Variants in PCCA observed in about 807,000 individuals in gnomAD.
PCCA encodes propionyl-CoA carboxylase subunit alpha.
Under a neutral mutation model 101.3 loss-of-function variants are expected in PCCA, and 74 were observed. That is an observed-to-expected ratio of 0.73 (90% CI 0.61 to 0.89). The LOEUF (loss-of-function observed/expected upper bound fraction) is 0.89. Ranked by LOEUF, PCCA falls within the 40% of genes least tolerant of loss-of-function variation. The probability of loss-of-function intolerance (pLI) is 0.00; values close to 1 mark genes in which losing one functional copy is unlikely to be tolerated. For missense variants in PCCA, 891 were observed against 907.0 expected, an observed-to-expected ratio of 0.98 and a Z score of 0.23; for synonymous variants, 294 against 313.6, an observed-to-expected ratio of 0.94 and a Z score of 0.66.
At chr13:100,430,868 A>G (rs2760310) in intron 20 of PCCA, among the ~76,000 whole-genome samples, 56,892 of 152,076 alleles carry the variant, frequency 0.37, 11,465 homozygotes, top group East Asian at 0.68. Context: ...AGAACAATGA[A>G]CTAACCTTAT....
At chr13:100,511,701 A>G (rs977849167) in intron 21 of PCCA, among the ~76,000 whole-genome samples, 79 of 152,348 alleles carry the variant, frequency 5.2e-4, no homozygotes, top group African/African-American at 1.8e-3. Context: ...TGACAGTGGC[A>G]CTGGAGGCTT....
intron 12 of PCCA, among the ~76,000 whole-genome samples, chr13:100,276,848 A>G (rs962719636): frequency 7.2e-5 from 11 of 152,128 alleles, no homozygotes; most frequent in African/African-American, 2.7e-4. Context: ...TTTGTAGTAC[A>G]TGTCTGATAA....
intron 18 of PCCA, among the ~76,000 whole-genome samples, chr13:100,350,758 A>C (rs1333061355): frequency 6.6e-6 from 1 of 152,180 alleles, no homozygotes; most frequent in Non-Finnish European, 1.5e-5. Context: ...ACACTTCATC[A>C]GTATTATTGT....
At chr13:100,493,033 C>T (rs2085015003) in intron 21 of PCCA, among the ~76,000 whole-genome samples, 1 of 152,128 alleles carries the variant, frequency 6.6e-6, no homozygotes, top group Non-Finnish European at 1.5e-5. Flanking sequence ...ACAGGGCTGT[C>T]ACCCTTATTC....
At chr13:100,525,343 T>C (rs1029737444) in intron 22 of PCCA, among the ~76,000 whole-genome samples, 4 of 152,218 alleles carry the variant, frequency 2.6e-5, no homozygotes, top group Non-Finnish European at 5.9e-5. Context: ...GATGAACAAC[T>C]GGGGACCCAG....
intron 8 of PCCA, among the ~76,000 whole-genome samples, chr13:100,251,688 A>G (rs1193642675): frequency 6.6e-6 from 1 of 152,246 alleles, no homozygotes; most frequent in African/African-American, 2.4e-5. Context: ...AAAAAATGGC[A>G]TACTTTCTGT....
chr13:100,122,429 G>A (rs1340294467), intron 4 of PCCA, among the ~76,000 whole-genome samples: 1 of 151,996 alleles, frequency 6.6e-6, no homozygotes, highest in Non-Finnish European at 1.5e-5. Context: ...TAAATGTCTG[G>A]TAGAAATCAC....
chr13:100,408,543 A>G (rs1373470305), intron 19 of PCCA, among the ~76,000 whole-genome samples: 2 of 152,206 alleles, frequency 1.3e-5, no homozygotes, highest in African/African-American at 2.4e-5. Context: ...CTCTTTTTAC[A>G]GATACCACAC....
chr13:100,268,925 C>G lies in PCCA; in HGVS notation c.914+142C>G, dbSNP rs2063123076. On this transcript the variant is annotated intron_variant, in intron 11 of 23. Coordinates refer to ENST00000376285, the MANE Select transcript of PCCA (RefSeq NM_000282.4). ...CAGGCAGTGGTGCAATCACGGCTCACTGCAGCCTCCACCTCCCAGGCTCAA... is the reference window on the plus strand; with the variant it reads ...CAGGCAGTGGTGCAATCACGGCTCAGTGCAGCCTCCACCTCCCAGGCTCAA... The G allele has an allele frequency of 4.2e-6, 3 of 714,660 alleles. No homozygotes were observed. In the Admixed American group the frequency reaches 6.1e-5, roughly 14 times the overall value. 44.3% of individuals were successfully genotyped at this position (714,660 alleles called of 1,614,324 possible).
intron 4 of PCCA, among the ~76,000 whole-genome samples, chr13:100,152,896 T>C (rs1555360398): frequency 1.3e-5 from 2 of 152,176 alleles, no homozygotes; most frequent in Non-Finnish European, 2.9e-5. Context: ...ACTATTAGGA[T>C]TCTCTCTCTC....
At chr13:100,162,682 T>C (rs1213457853) in intron 6 of PCCA, among the ~76,000 whole-genome samples, 1 of 152,182 alleles carries the variant, frequency 6.6e-6, no homozygotes, top group Non-Finnish European at 1.5e-5. Flanking sequence ...TTGGATTTGC[T>C]AACTTACTAA....
intron 19 of PCCA, among the ~76,000 whole-genome samples, chr13:100,398,157 C>T (rs567508775): frequency 2.8e-4 from 42 of 152,262 alleles, no homozygotes; most frequent in African/African-American, 1.0e-3. Flanking sequence ...ATGTTGTTTC[C>T]AGTAGTGTAA....
chr13:100,263,876 T>G (rs1447969602), intron 10 of PCCA, among the ~76,000 whole-genome samples: 1 of 150,858 alleles, frequency 6.6e-6, no homozygotes, highest in Admixed American at 6.6e-5. Flanking sequence ...ATATCGTATA[T>G]ATATGGTATC....
chr13:100,104,626 T>A (rs1185868345), intron 2 of PCCA: 4 of 152,210 alleles, frequency 2.6e-5, no homozygotes, highest in Non-Finnish European at 5.9e-5. Flanking sequence ...GTTTATAAAT[T>A]ACCTAGTCTT....
chr13:100,429,186 A>C (rs2079371292), intron 20 of PCCA, among the ~76,000 whole-genome samples: 2 of 152,016 alleles, frequency 1.3e-5, no homozygotes, highest in African/African-American at 4.8e-5. Context: ...TCTTCTGACC[A>C]CTGTTAGCAT....
intron 16 of PCCA, among the ~76,000 whole-genome samples, 167 bp downstream of exon 16, chr13:100,310,075 C>T (rs894507451): frequency 2.6e-5 from 4 of 152,146 alleles, no homozygotes; most frequent in African/African-American, 4.8e-5. Flanking sequence ...CAAGTATAGC[C>T]GTTTCCACTG....
intron 6 of PCCA, among the ~76,000 whole-genome samples, chr13:100,184,582 T>G (rs1019997867): frequency 3.3e-5 from 5 of 152,208 alleles, no homozygotes; most frequent in African/African-American, 1.2e-4. Flanking sequence ...AATAAGTGTT[T>G]TAGGCTTTGT....
At chr13:100,448,007 G>A (rs2080961301) in intron 20 of PCCA, among the ~76,000 whole-genome samples, 1 of 152,106 alleles carries the variant, frequency 6.6e-6, no homozygotes, top group African/African-American at 2.4e-5. Context: ...AATGCTCATG[G>A]CATGTAGTTG....
chr13:100,293,141 G>A (rs2065264461), intron 12 of PCCA: 1 of 459,520 alleles, frequency 2.2e-6, no homozygotes, highest in South Asian at 1.6e-5. Flanking sequence ...TCAGTCAGCT[G>A]TCCATATCTT....
Sources: gnomAD v4.1 joint callset for allele counts (sites outside exome capture counted in the v4.1 genomes callset) on GRCh38, gnomAD v4.1.1 for gene constraint, MANE v1.5 for transcripts, NCBI Gene and HGNC (gene_info 2026-07-23, HGNC 2026-07-21) for gene names.